Variants in PRKD1 observed in about 807,000 individuals in gnomAD.
PRKD1 encodes the protein serine/threonine-protein kinase D1.
A neutral mutation model predicts 95.9 loss-of-function variants in PRKD1; 63 were observed. The ratio of observed to expected loss-of-function variants is 0.66; its 90% confidence interval spans 0.54 to 0.81. The LOEUF (loss-of-function observed/expected upper bound fraction) is 0.81, where lower values mean the gene tolerates loss of function less well. Among genes scored for constraint, PRKD1 ranks in the 30% least tolerant of loss-of-function variants. The pLI is 0.00. For synonymous variants in PRKD1, 425 were observed against 423.1 expected (o/e 1.00, Z -0.05); for missense variants, 1,048 against 1,165.3 (o/e 0.90, Z 1.47).
intron 1 of PRKD1, among the ~76,000 whole-genome samples, chr14:29,886,076 C>T (rs1893696653): frequency 6.6e-6 from 1 of 152,116 alleles, no homozygotes; most frequent in African/African-American, 2.4e-5. Context: ...ACACAAAGCC[C>T]CTTCACGTAG....
chr14:29,700,689 T>A (rs548657219), intron 2 of PRKD1, among the ~76,000 whole-genome samples: 2 of 152,256 alleles, frequency 1.3e-5, no homozygotes, highest in East Asian at 3.9e-4. Context: ...TTGATGAGAT[T>A]CCGGTAGACT....
rs901964508 is a variant in PRKD1 at position 29,642,536 on chromosome 14, A to G, written c.697-3632T>C. Among the ~76,000 whole-genome samples the G allele has an allele frequency of 2.0e-5, 3 of 152,246 alleles. No individual in the cohort carries two copies. In the East Asian group the frequency reaches 5.8e-4, roughly 29 times the overall value. ...TAGCAATTCGAATCATAATGCTGACAGAAATAATTGGAACTGTTTGCATGA... is the reference window on the plus strand; with the variant it reads ...TAGCAATTCGAATCATAATGCTGACGGAAATAATTGGAACTGTTTGCATGA... On this transcript the variant is annotated intron_variant, in intron 4 of 17. Coordinates refer to ENST00000331968, the MANE Select transcript of PRKD1 (RefSeq NM_002742.3).
At chr14:29,917,197 C>A (rs914071745) in intron 1 of PRKD1, among the ~76,000 whole-genome samples, 2 of 152,182 alleles carry the variant, frequency 1.3e-5, no homozygotes, top group South Asian at 4.1e-4. Flanking sequence ...CAGTCTCTTT[C>A]TAGCTAGTCA....
intron 1 of PRKD1, among the ~76,000 whole-genome samples, chr14:29,866,009 T>TA (rs1217651722): frequency 1.3e-5 from 2 of 152,174 alleles, no homozygotes; most frequent in Admixed American, 6.6e-5. Context: ...ATATAATTTT[T>TA]AAAAAATCTA....
chr14:29,778,774 C>T (rs935859827), intron 1 of PRKD1, among the ~76,000 whole-genome samples: 9 of 152,134 alleles, frequency 5.9e-5, no homozygotes, highest in Non-Finnish European at 7.3e-5. Context: ...GGGAATCCTC[C>T]CTAACTCATT....
At chr14:29,732,189 T>C (rs1055108498) in intron 1 of PRKD1, among the ~76,000 whole-genome samples, 6 of 152,188 alleles carry the variant, frequency 3.9e-5, no homozygotes, top group Admixed American at 1.3e-4. Flanking sequence ...CCTTACCTTT[T>C]AAGTTGTTTC....
At chr14:29,794,281 G>C (rs1374923834) in intron 1 of PRKD1, among the ~76,000 whole-genome samples, 1 of 150,906 alleles carries the variant, frequency 6.6e-6, no homozygotes, top group East Asian at 1.9e-4. Context: ...TCTTTTTAAA[G>C]TATAAAATAT....
chr14:29,621,259 G>A (rs2139080570), intron 13 of PRKD1, among the ~76,000 whole-genome samples: 1 of 151,292 alleles, frequency 6.6e-6, no homozygotes, highest in South Asian at 2.1e-4. Context: ...GAGTTAATGG[G>A]TGCAGCACAC....
At chr14:29,616,732 G>A (rs574256061) in intron 13 of PRKD1, among the ~76,000 whole-genome samples, 1 of 152,258 alleles carries the variant, frequency 6.6e-6, no homozygotes, top group African/African-American at 2.4e-5. Flanking sequence ...GGTTCTAGAG[G>A]GGGATCTCTT....
At chr14:29,863,891 C>CA (rs1296197106) in intron 1 of PRKD1, among the ~76,000 whole-genome samples, 1 of 151,952 alleles carries the variant, frequency 6.6e-6, no homozygotes, top group Non-Finnish European at 1.5e-5. Flanking sequence ...AATATAATCT[C>CA]AAAAACACAA....
In PRKD1 at chr14:29,663,777, G is replaced by T. The variant is rs55949943; in HGVS notation, c.618C>A (p.Asn206Lys). ...TGGTGCTGACCCCAGTGAGGGAAAC[G>T]TTTGAGAGCCTTCTCCGCCTCACAC... Reference protein sequence around the residue: ...CSGVRRRRLSNVSLTGVSTIR... With the variant: ...CSGVRRRRLSKVSLTGVSTIR... The change falls in exon 4 of 18, where the codon AAC becomes AAA. Residue 206 changes from asparagine to lysine, a missense_variant. This residue lies in a region of PRKD1 where 275 missense variants were observed against 248.6 expected (regional missense o/e 1.11). Coordinates refer to ENST00000331968, the MANE Select transcript of PRKD1 (RefSeq NM_002742.3). 2.5e-6 allele frequency: 4 copies of T among 1,613,966 alleles called. No individual in the cohort carries two copies. The highest frequency in any genetic ancestry group is 3.4e-6 in the Non-Finnish European group (4 of 1,179,900).
intron 1 of PRKD1, among the ~76,000 whole-genome samples, chr14:29,913,207 G>C (rs1417010709): frequency 6.6e-6 from 1 of 152,146 alleles, no homozygotes; most frequent in Non-Finnish European, 1.5e-5. Flanking sequence ...CCATTTAGAA[G>C]AGTTACCAAA....
chr14:29,905,520 G>A (rs1202598683), intron 1 of PRKD1, among the ~76,000 whole-genome samples: 1 of 152,120 alleles, frequency 6.6e-6, no homozygotes, highest in Non-Finnish European at 1.5e-5. Flanking sequence ...ATCCAAGTTG[G>A]GATAACCATC....
At chr14:29,817,320 T>A (rs1890731559) in intron 1 of PRKD1, among the ~76,000 whole-genome samples, 1 of 152,124 alleles carries the variant, frequency 6.6e-6, no homozygotes, top group Non-Finnish European at 1.5e-5. Context: ...TGTGACAAAC[T>A]GACACATTTT....
chr14:29,597,345 T>A lies in PRKD1; in HGVS notation c.2434+146A>T, dbSNP rs541242069. 7.4e-6 allele frequency: 6 copies of A among 813,480 alleles called. No individual in the cohort carries two copies. The South Asian group carries it at 1.7e-4, about 23-fold the overall frequency. 50.4% of individuals were successfully genotyped at this position (813,480 alleles called of 1,614,324 possible). On this transcript the variant is annotated intron_variant, in intron 16 of 17. Transcript: ENST00000331968. ...GTTATGTGTATGTGTCCCACCCAAA[T>A]TAATTCGTGTCTTTGTGTCTCCACT...
chr14:29,745,867 T>C (rs1299585747), intron 1 of PRKD1, among the ~76,000 whole-genome samples: 2 of 152,200 alleles, frequency 1.3e-5, no homozygotes, highest in African/African-American at 2.4e-5. Flanking sequence ...TCTGGAGACA[T>C]TTTAAGAAAA....
intron 1 of PRKD1, among the ~76,000 whole-genome samples, chr14:29,893,111 C>T (rs1893996096): frequency 6.6e-6 from 1 of 151,978 alleles, no homozygotes; most frequent in African/African-American, 2.4e-5. Flanking sequence ...ATCAGTAAGA[C>T]AAAATGGACA....
chr14:29,865,974 T>C (rs1892886815), intron 1 of PRKD1, among the ~76,000 whole-genome samples: 1 of 152,212 alleles, frequency 6.6e-6, no homozygotes, highest in South Asian at 2.1e-4. Context: ...CCTAGAAAGA[T>C]TGTCTTGCAC....
chr14:29,676,366 G>C lies in PRKD1; in HGVS notation c.404-10158C>G, dbSNP rs768443186. Among the ~76,000 whole-genome samples, 48 of 151,880 alleles carry C rather than the reference G, an allele frequency of 3.2e-4. 1 individual carries two copies. The highest frequency in any genetic ancestry group is 1.3e-4 in the Admixed American group (2 of 15,266). ...AGTCAAGAGTAGTAGGCTCCGAAGA[G>C]GTGGAGGTCAAAGGAGTCTCGCTAT... is the stretch of plus-strand genomic sequence containing the variant. On this transcript the variant is annotated intron_variant, in intron 2 of 17. Coordinates refer to ENST00000331968, the MANE Select transcript of PRKD1 (RefSeq NM_002742.3).
Sources: gnomAD v4.1 joint callset for allele counts (sites outside exome capture counted in the v4.1 genomes callset) on GRCh38, gnomAD v4.1.1 for gene constraint, gnomAD v4.1.1 regional missense constraint, MANE v1.5 for transcripts, NCBI Gene and HGNC (gene_info 2026-07-23, HGNC 2026-07-21) for gene names.